Variants in PLEC observed in about 807,000 individuals in gnomAD.
PLEC encodes plectin, also known as hemidesmosomal protein 1.
Under a neutral mutation model 392.8 loss-of-function variants are expected in PLEC, and 216 were observed. That is an observed-to-expected ratio of 0.55 (90% CI 0.49 to 0.62). PLEC has a LOEUF of 0.62. PLEC is among the 20% of genes least tolerant of loss of function. The probability of loss-of-function intolerance (pLI) is 0.00; values close to 1 mark genes in which losing one functional copy is unlikely to be tolerated. For synonymous variants in PLEC, 3,621 were observed against 2,980.6 expected, an observed-to-expected ratio of 1.21 and a Z score of -7.00; for missense variants, 6,863 against 6,563.4, an observed-to-expected ratio of 1.05 and a Z score of -1.58.
rs782594871 is a variant in PLEC, at chr8:143,934,440, C to G, written c.1047G>C (p.Ala349=). ...GCACCTTGAGCTGGCCTGCTTGCAC[C>G]GCTCCCTGTAGACAGGGGCCACACT... ...SKGIYQSLEG[A]VQAGQLKVPP... is the part of the protein sequence containing the mutation. Residue 349 remains alanine, a synonymous_variant, in exon 11 of 32, where the codon GCG becomes GCC. Coordinates refer to ENST00000345136, the MANE Select transcript of PLEC (RefSeq NM_201384.3). 1.9e-6 allele frequency: 3 copies of G among 1,611,366 alleles called. No individual in the cohort carries two copies. Among genetic ancestry groups the G allele is most frequent in the African/African-American group, 2.7e-5 (2 of 75,064 alleles).
chr8:143,924,577 C>T lies in PLEC; in HGVS notation c.5352G>A (p.Lys1784=). 4 of 1,552,540 alleles carry T rather than the reference C, an allele frequency of 2.6e-6. No homozygotes were observed. Among genetic ancestry groups the T allele is most frequent in the Non-Finnish European group, 3.5e-6 (4 of 1,156,324 alleles). Residue 1784 remains lysine, a synonymous_variant, in exon 31 of 32, where the codon AAG becomes AAA. Coordinates refer to ENST00000345136, the MANE Select transcript of PLEC (RefSeq NM_201384.3). ...AEEESRSTSE[K]SKQRLEAEAG... is the part of the protein sequence containing the mutation. ...CCTCGGCCTCCAGCCTCTGCTTGGA[C>T]TTCTCGCTGGTGGAGCGCGACTCCT...
chr8:143,919,197 G>T lies in PLEC; in HGVS notation c.10624C>A (p.Pro3542Thr). 1 of 1,613,752 alleles carries T rather than the reference G, an allele frequency of 6.2e-7. No homozygotes were observed. The highest frequency in any genetic ancestry group is 1.1e-5 in the South Asian group (1 of 91,082). The change falls in exon 32 of 32, where the codon CCA (proline) becomes ACA (threonine). Residue 3542 changes from proline (P) to threonine (T), a missense_variant. Coordinates refer to ENST00000345136, the MANE Select transcript of PLEC (RefSeq NM_201384.3). ...EDPETGLRLLPLKGAEKAEVV... is the reference protein window; with the variant it reads ...EDPETGLRLLTLKGAEKAEVV... ...TCAGCCTTCTCCGCCCCTTTCAGTG[G>T]CAGAAGGCGCAAGCCCGTCTCGGGG...
chr8:143,952,187 C>CAA (rs1554737197), upstream of PLEC, among the ~76,000 whole-genome samples: 21 of 122,222 alleles, frequency 1.7e-4, no homozygotes, highest in Non-Finnish European at 2.9e-4. Flanking sequence ...TCCAAACACA[C>CAA]ACACACACAC....
rs782018221 is a variant in PLEC, at chr8:143,925,596, G to T, written c.4333C>A (p.Arg1445Ser). Reference sequence around the variant, plus strand: ...TCCTCCTCGATGCGCAGCCGGCTGCGCTCAGCCGCCTCTGCCTGCCGGGCC... The same window carrying T: ...TCCTCCTCGATGCGCAGCCGGCTGCTCTCAGCCGCCTCTGCCTGCCGGGCC... ...AKARQAEAAERSRLRIEEEIR... is the reference protein window; with the variant it reads ...AKARQAEAAESSRLRIEEEIR... The change falls in exon 31 of 32, where the codon CGC becomes AGC. Residue 1445 changes from arginine to serine, a missense_variant. Arg to Ser is a moderately radical substitution (Grantham distance 110). Coordinates refer to ENST00000345136, the MANE Select transcript of PLEC (RefSeq NM_201384.3). The T allele has an allele frequency of 1.3e-6, 2 of 1,571,112 alleles. No homozygotes were observed. Among genetic ancestry groups the T allele is most frequent in the South Asian group, 2.3e-5 (2 of 88,008 alleles).
In PLEC at chr8:143,918,530, G is replaced by A. The variant is rs368803763; in HGVS notation, c.11291C>T (p.Ala3764Val). ...ACGGTAGCCGGTGACCGCCCGCTCA[G>A]CCGAGAGCAGGCGGTCGTGCAGCTC... is the stretch of plus-strand genomic sequence containing the variant. ...GPELHDRLLSAERAVTGYRDP... is the reference protein window; with the variant it reads ...GPELHDRLLSVERAVTGYRDP... Residue 3764 changes from alanine to valine, a missense_variant, in exon 32 of 32, where the codon GCT (alanine) becomes GTT (valine). Physicochemically the swap from Ala to Val is moderately conservative, Grantham distance 64. Transcript: ENST00000345136. 1.2e-5 allele frequency: 20 copies of A among 1,609,302 alleles called. 1 individual carries two copies. The highest frequency in any genetic ancestry group is 5.0e-5 in the Admixed American group (3 of 59,776).
At chr8:143,930,960 A>G (rs1311733519) in intron 19 of PLEC, among the ~76,000 whole-genome samples, 1 of 152,008 alleles carries the variant, frequency 6.6e-6, no homozygotes, top group East Asian at 1.9e-4. Context: ...AGGCCATTTC[A>G]GTCTCCAGTC....
rs1554743611 is a variant in PLEC at position 143,969,830 on chromosome 8, C to T, written c.70+3573G>A. On this transcript the variant is annotated intron_variant, in intron 1 of 31. Transcript: ENST00000356346. This position sits in a 1 kb window ranked among gnomAD's most constrained non-coding sequence, Gnocchi z 5.1. ...TGCTGTGAGGTGGTCCTGGAGAGGG[C>T]AGCAGGGGTGAGAATGAGGCCGGGG... 6.7e-6 allele frequency among the ~76,000 whole-genome samples: 1 copy of T among 150,002 alleles called. No individual in the cohort carries two copies. The highest frequency in any genetic ancestry group is 2.5e-5 in the African/African-American group (1 of 40,524).
At position 143,916,129 on chromosome 8, in the gene PLEC, T is replaced by C. The variant is rs571241058; in HGVS notation, c.*48A>G. On this transcript the variant is annotated 3_prime_UTR_variant, in exon 32 of 32. Transcript: ENST00000345136. ...GTTGAAAACGGCCCCCGCGCCTCGG[T>C]GGGAGCCGGGCTGGGCCGCATGCAG... 20 of 1,427,112 alleles carry C rather than the reference T, an allele frequency of 1.4e-5. No individual in the cohort carries two copies. Among genetic ancestry groups the C allele is most frequent in the Admixed American group, 1.1e-4 (4 of 35,824 alleles). The allele number at this position is 1,427,112 out of a possible 1,614,324, so 88.4% of individuals were successfully genotyped here.
upstream of PLEC, chr8:143,958,604 C>T (rs966184594): frequency 3.2e-5 from 14 of 442,104 alleles, no homozygotes; most frequent in African/African-American, 2.8e-4. This position sits in a 1 kb window ranked among gnomAD's most constrained non-coding sequence, Gnocchi z 4.9. Flanking sequence ...CCTCCAAGCA[C>T]TGGACAACAG....
intron 6 of PLEC, among the ~76,000 whole-genome samples, chr8:143,935,586 G>A (rs1322221339): frequency 2.0e-5 from 3 of 152,022 alleles, no homozygotes; most frequent in Non-Finnish European, 2.9e-5. Flanking sequence ...AGGCCCCTCC[G>A]GAGGCGTCCA....
At chr8:143,941,258 C>T (rs781865721), upstream of PLEC, among the ~76,000 whole-genome samples, 8 of 152,174 alleles carry the variant, frequency 5.3e-5, no homozygotes, top group East Asian at 1.9e-4. Flanking sequence ...TGTGAGATCC[C>T]GGAACAGCCA....
rs782613634 is a variant in PLEC, at chr8:143,920,877, G to A, written c.8944C>T (p.Pro2982Ser). The change falls in exon 32 of 32, where the codon CCA becomes TCA. Residue 2982 changes from proline (P) to serine (S), a missense_variant. Pro to Ser is a moderately conservative substitution (Grantham distance 74). Transcript: ENST00000345136. The part of the protein sequence containing the change: ...LCFEGLRSLV[P>S]AAELLESRVI... The stretch of plus-strand genomic sequence containing the variant: ...CTGCTCTCCAGCAGCTCGGCGGCTG[G>A]CACCAGGCTGCGCAGGCCCTCAAAG... 6.2e-7 allele frequency: 1 copy of A among 1,610,918 alleles called. No homozygotes were observed. Among genetic ancestry groups the A allele is most frequent in the Non-Finnish European group, 8.5e-7 (1 of 1,179,916 alleles).
upstream of PLEC, chr8:143,953,697 C>T (rs1554738110): frequency 6.2e-7 from 1 of 1,605,198 alleles, no homozygotes; most frequent in Non-Finnish European, 8.5e-7. Flanking sequence ...TCCGCGCCCC[C>T]CGGCTCGGGC....
chr8:143,918,940 C>T lies in PLEC; in HGVS notation c.10881G>A (p.Glu3627=), dbSNP rs782568969. The T allele has an allele frequency of 8.7e-6, 14 of 1,610,754 alleles. No individual in the cohort carries two copies. The South Asian group carries it at 1.5e-4, about 18-fold the overall frequency. The change falls in exon 32 of 32, where the codon GAG becomes GAA. Residue 3627 remains glutamate (E), a synonymous_variant. Transcript: ENST00000345136. ...RMIIIIIEII[E]KTEIIRQQGL... ...CCTGCTGGCGGATGATCTCTGTCTT[C>T]TCAATGATCTCGATGATGATGATGA...
chr8:143,920,934 C>A lies in PLEC; in HGVS notation c.8887G>T (p.Val2963Leu), dbSNP rs782732681. The change falls in exon 32 of 32, where the codon GTG (valine) becomes TTG (leucine). Residue 2963 changes from valine (V) to leucine (L), a missense_variant. Coordinates refer to ENST00000345136, the MANE Select transcript of PLEC (RefSeq NM_201384.3). ...EKIIKIIITV[V>L]EEQEQKGRLC... ...CGGCCCTTCTGCTCCTGCTCCTCCA[C>A]CACCGTGATGATGATCTTGATGATC... 1 of 1,612,804 alleles carries A rather than the reference C, an allele frequency of 6.2e-7. No individual in the cohort carries two copies. Among genetic ancestry groups the A allele is most frequent in the Non-Finnish European group, 8.5e-7 (1 of 1,180,044 alleles).
rs1248711545 is a variant in PLEC, at chr8:143,930,049, G to T, written c.2626C>A (p.His876Asn). 1 of 1,611,352 alleles carries T rather than the reference G, an allele frequency of 6.2e-7. No homozygotes were observed. The highest frequency in any genetic ancestry group is 8.5e-7 in the Non-Finnish European group (1 of 1,179,796). Reference protein sequence around the residue: ...QEAVTRLEAQHQALVTLWHQL... With the variant: ...QEAVTRLEAQNQALVTLWHQL... ...TGCCACAGCGTGACCAGGGCCTGGT[G>T]CTGGGCCTCCAGCCTGGCAGGTCAG... The change falls in exon 22 of 32, where the codon CAC becomes AAC. Residue 876 changes from histidine to asparagine, a missense_variant. Coordinates refer to ENST00000345136, the MANE Select transcript of PLEC (RefSeq NM_201384.3).
chr8:143,932,965 A>C lies in PLEC; in HGVS notation c.1565T>G (p.Leu522Arg). The C allele has an allele frequency of 6.2e-7, 1 of 1,612,452 alleles. No homozygotes were observed. Among genetic ancestry groups the C allele is most frequent in the Non-Finnish European group, 8.5e-7 (1 of 1,179,850 alleles). Residue 522 changes from leucine to arginine, a missense_variant, in exon 14 of 32, where the codon CTG becomes CGG. Leu to Arg is a moderately radical substitution (Grantham distance 102). Transcript: ENST00000345136. ...GGCCAGCAGGTCCTGCAGGTAGCGC[A>C]GAGTGGAGTCCTCCAGCTCGGGGCG... ...QRRPELEDST[L>R]RYLQDLLAWV...
At chr8:143,951,242 G>A (rs914706365), upstream of PLEC, among the ~76,000 whole-genome samples, 14 of 152,208 alleles carry the variant, frequency 9.2e-5, no homozygotes, top group African/African-American at 2.7e-4. Flanking sequence ...GGGGTACTCG[G>A]CAGGGATGTG....
intron 1 of PLEC, among the ~76,000 whole-genome samples, chr8:143,959,569 A>G (rs909778895): frequency 1.1e-4 from 16 of 152,268 alleles, no homozygotes; most frequent in African/African-American, 3.9e-4. Flanking sequence ...AGTTCCCGTC[A>G]GACAGCGAGG....
Sources: allele counts gnomAD v4.1 joint callset (sites outside exome capture counted in the v4.1 genomes callset), GRCh38; gene constraint gnomAD v4.1.1; non-coding constraint Gnocchi (gnomAD v3.1); transcripts MANE v1.5; gene names NCBI Gene and HGNC (gene_info 2026-07-23, HGNC 2026-07-21).